Variants in ADGRB3 observed in about 807,000 individuals in gnomAD.
ADGRB3 encodes adhesion G protein-coupled receptor B3.
In ADGRB3, 37 loss-of-function variants were observed where a neutral mutation model predicts 193.4. That is an observed-to-expected ratio of 0.19 (90% CI 0.15 to 0.25). The LOEUF is 0.25. Ranked by LOEUF, ADGRB3 falls within the 10% of genes least tolerant of loss-of-function variation. The pLI is 1.00. For missense variants in ADGRB3, 1,637 were observed against 1,852.9 expected (o/e 0.88, Z 2.14); for synonymous variants, 690 against 644.2 (o/e 1.07, Z -1.08).
intron 3 of ADGRB3, among the ~76,000 whole-genome samples, chr6:68,808,454 A>T (rs1347791181): frequency 6.6e-6 from 1 of 150,808 alleles, no homozygotes; most frequent in Non-Finnish European, 1.5e-5. Flanking sequence ...ACCTCTAACT[A>T]TACATTTACT....
intron 30 of ADGRB3, among the ~76,000 whole-genome samples, chr6:69,375,031 G>T (rs570777686): frequency 6.6e-6 from 1 of 152,050 alleles, no homozygotes; most frequent in South Asian, 2.1e-4. Context: ...CTAATCTGTG[G>T]CATTCTTAAG....
chr6:68,927,636 CAGA>C (rs1456171058), intron 3 of ADGRB3, among the ~76,000 whole-genome samples: 1 of 151,876 alleles, frequency 6.6e-6, no homozygotes, highest in Non-Finnish European at 1.5e-5. Context: ...TAAACTTTGG[CAGA>C]AGAAACACAC....
At chr6:69,102,198 C>T (rs1419031553) in intron 17 of ADGRB3, among the ~76,000 whole-genome samples, 2 of 141,962 alleles carry the variant, frequency 1.4e-5, no homozygotes, top group South Asian at 2.4e-4. Flanking sequence ...AAAAAAAAGA[C>T]TCTCCATCTT....
intron 16 of ADGRB3, among the ~76,000 whole-genome samples, chr6:69,069,342 G>A (rs923164776): frequency 6.6e-6 from 1 of 151,722 alleles, no homozygotes; most frequent in South Asian, 2.1e-4. Flanking sequence ...CCCTCTCACT[G>A]ATCAACTATT....
intron 3 of ADGRB3, among the ~76,000 whole-genome samples, chr6:68,770,058 T>A (rs1018078147): frequency 2.6e-5 from 4 of 152,138 alleles, no homozygotes; most frequent in Admixed American, 6.6e-5. Context: ...TCTTTTATTA[T>A]CTTAATAGAA....
intron 3 of ADGRB3, among the ~76,000 whole-genome samples, chr6:68,771,385 T>TACACAC (rs3040851): frequency 6.8e-6 from 1 of 147,982 alleles, no homozygotes; most frequent in Non-Finnish European, 1.5e-5. Context: ...AGGGAATATA[T>TACACAC]ACACACACAC....
At chr6:68,731,121 C>A (rs1765766025) in intron 3 of ADGRB3, among the ~76,000 whole-genome samples, 1 of 151,352 alleles carries the variant, frequency 6.6e-6, no homozygotes, top group African/African-American at 2.4e-5. Context: ...TTCTTTCTTT[C>A]AACTATATTA....
rs148359662 is a variant in ADGRB3 at position 69,137,370 on chromosome 6, T to G, written c.2480+61332T>G. The stretch of plus-strand genomic sequence containing the variant: ...ACCTATGAACTTAACATTTTCTGTG[T>G]TTTTTTTTTGGATCATCTGGATGGA... On this transcript the variant is annotated intron_variant, in intron 17 of 31. Transcript: ENST00000370598. Among the ~76,000 whole-genome samples, 1,078 of 148,624 alleles carry G rather than the reference T, an allele frequency of 7.3e-3. 11 individuals are homozygous for G. Among genetic ancestry groups the G allele is most frequent in the African/African-American group, 0.025 (1,002 of 40,654 alleles).
intron 9 of ADGRB3, 132 bp downstream of exon 9, chr6:68,974,996 A>T (rs1435248907): frequency 1.3e-6 from 1 of 787,012 alleles, no homozygotes; most frequent in African/African-American, 1.8e-5. Context: ...ATAATGAAAC[A>T]ATTTTAGTAA....
At chr6:68,851,081 T>G (rs1049927579) in intron 3 of ADGRB3, among the ~76,000 whole-genome samples, 1 of 151,920 alleles carries the variant, frequency 6.6e-6, no homozygotes, top group Admixed American at 6.6e-5. Flanking sequence ...CTTCCTTTCT[T>G]TGATCATTTT....
At chr6:68,675,002 G>A (rs1769055065) in intron 3 of ADGRB3, among the ~76,000 whole-genome samples, 1 of 152,162 alleles carries the variant, frequency 6.6e-6, no homozygotes, top group African/African-American at 2.4e-5. Flanking sequence ...TGGTTCAGGG[G>A]ATGTCCTTAC....
intron 3 of ADGRB3, among the ~76,000 whole-genome samples, chr6:68,655,333 G>A (rs1051971955): frequency 1.3e-5 from 2 of 151,538 alleles, no homozygotes. Context: ...TTTCTGTGAA[G>A]TGGTGATGAT....
intron 3 of ADGRB3, among the ~76,000 whole-genome samples, chr6:68,800,099 G>A (rs1461836549): frequency 6.6e-6 from 1 of 152,040 alleles, no homozygotes; most frequent in Non-Finnish European, 1.5e-5. Flanking sequence ...CCACTGCAGC[G>A]GTTTATGAGG....
At chr6:68,734,046 GTTAATTT>G (rs1038692154) in intron 3 of ADGRB3, among the ~76,000 whole-genome samples, 6 of 151,554 alleles carry the variant, frequency 4.0e-5, no homozygotes, top group Admixed American at 4.0e-4. Flanking sequence ...AACAAAGAAT[GTTAATTT>G]TAAGGTACAA....
intron 17 of ADGRB3, among the ~76,000 whole-genome samples, chr6:69,091,281 A>G (rs759863164): frequency 1.3e-5 from 2 of 152,212 alleles, no homozygotes; most frequent in Non-Finnish European, 2.9e-5. Flanking sequence ...CAGCAATTCT[A>G]TTACTGGATA....
chr6:68,903,240 A>T (rs1766447185), intron 3 of ADGRB3, among the ~76,000 whole-genome samples: 3 of 152,190 alleles, frequency 2.0e-5, no homozygotes, highest in Admixed American at 6.5e-5. Context: ...ACATTTCAGG[A>T]TATAAAATTA....
At chr6:69,067,412 C>T (rs569290978) in intron 16 of ADGRB3, among the ~76,000 whole-genome samples, 158 of 152,152 alleles carry the variant, frequency 1.0e-3, no homozygotes, top group Middle Eastern at 0.01. Flanking sequence ...CTTTGTAAAT[C>T]ATAGTGGAAA....
intron 3 of ADGRB3, among the ~76,000 whole-genome samples, chr6:68,868,292 T>A (rs1373818833): frequency 2.0e-5 from 3 of 152,192 alleles, no homozygotes; most frequent in Non-Finnish European, 4.4e-5. Context: ...GCTCTGTCTC[T>A]CCTGGTACCA....
intron 27 of ADGRB3, among the ~76,000 whole-genome samples, chr6:69,354,844 C>A (rs561982132): frequency 2.6e-5 from 4 of 152,150 alleles, no homozygotes; most frequent in South Asian, 4.2e-4. Flanking sequence ...TAGTGAAAGA[C>A]CAGTTATTGT....
Sources: gnomAD v4.1 joint callset for allele counts (sites outside exome capture counted in the v4.1 genomes callset) on GRCh38, gnomAD v4.1.1 for gene constraint, MANE v1.5 for transcripts, NCBI Gene and HGNC (gene_info 2026-07-23, HGNC 2026-07-21) for gene names.